The following CDYL2 variants were observed in gnomAD, a reference collection of about 807,000 sequenced individuals.
The protein encoded by CDYL2 is chromodomain Y-like protein 2.
CDYL2 carries 23 observed loss-of-function variants against 49.4 expected under a neutral mutation model. The ratio of observed to expected loss-of-function variants is 0.47; its 90% confidence interval spans 0.34 to 0.66. CDYL2 has a LOEUF of 0.66. Ranked by LOEUF, CDYL2 falls within the 30% of genes least tolerant of loss-of-function variation. The pLI is 0.01. For missense variants in CDYL2, 678 were observed against 656.4 expected (o/e 1.03, Z -0.36); for synonymous variants, 360 against 268.8 (o/e 1.34, Z -3.32).
intron 1 of CDYL2, among the ~76,000 whole-genome samples, chr16:80,794,681 G>A (rs370651051): frequency 1.5e-4 from 21 of 136,160 alleles, no homozygotes; most frequent in East Asian, 1.3e-3. Context: ...GCGTGATCTC[G>A]GCTCACTGCA....
intron 1 of CDYL2, among the ~76,000 whole-genome samples, chr16:80,703,488 T>C (rs957222675): frequency 1.3e-5 from 2 of 152,134 alleles, no homozygotes; most frequent in African/African-American, 4.8e-5. Flanking sequence ...CCCTGGACTT[T>C]CTCTAATGTG....
chr16:80,622,457 T>A (rs939504206), intron 3 of CDYL2, among the ~76,000 whole-genome samples: 1 of 152,158 alleles, frequency 6.6e-6, no homozygotes, highest in Non-Finnish European at 1.5e-5. Flanking sequence ...TCATTTATCA[T>A]ACATTTACCT....
intron 5 of CDYL2, among the ~76,000 whole-genome samples, chr16:80,609,210 T>C (rs905282340): frequency 6.6e-6 from 1 of 152,204 alleles, no homozygotes; most frequent in Non-Finnish European, 1.5e-5. Flanking sequence ...GAGAACATGA[T>C]AGTAATGAGC....
chr16:80,742,983 T>C (rs1486447151), intron 1 of CDYL2, among the ~76,000 whole-genome samples: 2 of 115,896 alleles, frequency 1.7e-5, no homozygotes, highest in Non-Finnish European at 3.2e-5. Context: ...AATCGATAGG[T>C]GAGTACAAAG....
chr16:80,697,657 T>TTA (rs1457350492), intron 1 of CDYL2, among the ~76,000 whole-genome samples: 1 of 151,996 alleles, frequency 6.6e-6, no homozygotes, highest in Non-Finnish European at 1.5e-5. Context: ...CAACATGATC[T>TTA]TATATATATA....
At chr16:80,791,541 G>A (rs1196025585) in intron 1 of CDYL2, among the ~76,000 whole-genome samples, 1 of 152,160 alleles carries the variant, frequency 6.6e-6, no homozygotes, top group Non-Finnish European at 1.5e-5. Flanking sequence ...AAGAAAGGGT[G>A]GAAATCTCCT....
intron 1 of CDYL2, among the ~76,000 whole-genome samples, chr16:80,783,102 A>G (rs375130540): frequency 1.3e-5 from 2 of 152,184 alleles, no homozygotes; most frequent in South Asian, 4.1e-4. Flanking sequence ...AAGAGAGTGA[A>G]AAGATAACCA....
intron 2 of CDYL2, among the ~76,000 whole-genome samples, chr16:80,662,492 C>G (rs1482279954): frequency 1.3e-5 from 2 of 152,132 alleles, no homozygotes; most frequent in African/African-American, 4.8e-5. Flanking sequence ...TTCTTTTACT[C>G]TCCTTATTAT....
intron 2 of CDYL2, among the ~76,000 whole-genome samples, chr16:80,676,146 T>C (rs999382568): frequency 6.6e-6 from 1 of 152,176 alleles, no homozygotes; most frequent in Non-Finnish European, 1.5e-5. Flanking sequence ...CATAGGGCGG[T>C]GGCCAAGTTG....
chr16:80,609,823 G>A (rs558035841), intron 5 of CDYL2, among the ~76,000 whole-genome samples: 2 of 152,262 alleles, frequency 1.3e-5, no homozygotes, highest in East Asian at 1.9e-4. Flanking sequence ...ATTCTTGGGT[G>A]GAGGTAGGGT....
chr16:80,654,198 A>C (rs1268895904), intron 2 of CDYL2, among the ~76,000 whole-genome samples: 1 of 152,128 alleles, frequency 6.6e-6, no homozygotes, highest in Admixed American at 6.5e-5. Flanking sequence ...GTTGGGAAAA[A>C]GTCACTACAG....
chr16:80,789,317 G>A (rs1597134651), intron 1 of CDYL2, among the ~76,000 whole-genome samples: 2 of 152,106 alleles, frequency 1.3e-5, no homozygotes, highest in East Asian at 3.9e-4. Context: ...AGAGACACCT[G>A]CGGGGCCAGG....
intron 1 of CDYL2, among the ~76,000 whole-genome samples, chr16:80,751,226 A>G (rs1417685825): frequency 6.6e-6 from 1 of 152,196 alleles, no homozygotes; most frequent in Non-Finnish European, 1.5e-5. Context: ...TTAGGAAACC[A>G]ATGTCCCTGC....
rs1013742712 is a variant in CDYL2, at chr16:80,599,320, T to C, written c.*5068A>G. ...AAATAACTTGATTTTAGCCATATGATAGCCCTGGACTACTTTATGTGGACA... is the reference window on the plus strand; with the variant it reads ...AAATAACTTGATTTTAGCCATATGACAGCCCTGGACTACTTTATGTGGACA... On this transcript the variant is annotated 3_prime_UTR_variant, in exon 7 of 7. Coordinates refer to ENST00000570137, the MANE Select transcript of CDYL2 (RefSeq NM_152342.4). The C allele has an allele frequency of 2.6e-5, 4 of 152,246 alleles. No individual in the cohort carries two copies. Among genetic ancestry groups the C allele is most frequent in the Non-Finnish European group, 5.9e-5 (4 of 68,038 alleles). The allele number at this position is 152,246 out of a possible 1,614,324, so 9.4% of individuals were successfully genotyped here. A position where few individuals can be genotyped will look rare whatever the true frequency, so the allele number is the denominator to read the frequency against.
chr16:80,614,657 A>C (rs1303862111), intron 4 of CDYL2, among the ~76,000 whole-genome samples: 3 of 152,162 alleles, frequency 2.0e-5, no homozygotes, highest in Non-Finnish European at 4.4e-5. Context: ...CAAGGTCAGG[A>C]GTTCTAGACC....
At chr16:80,742,461 C>CATGG (rs3081238) in intron 1 of CDYL2, among the ~76,000 whole-genome samples, 32,657 of 146,114 alleles carry the variant, frequency 0.22, 4,920 homozygotes, top group African/African-American at 0.44. Context: ...AGGATGGATG[C>CATGG]ATGGATGGAT....
intron 1 of CDYL2, among the ~76,000 whole-genome samples, chr16:80,699,447 G>A (rs567302160): frequency 7.2e-5 from 11 of 152,276 alleles, no homozygotes; most frequent in African/African-American, 2.2e-4. Flanking sequence ...TCACTCATAC[G>A]TGGAAGCTAA....
chr16:80,759,686 A>G (rs1459012539), intron 1 of CDYL2, among the ~76,000 whole-genome samples: 1 of 152,208 alleles, frequency 6.6e-6, no homozygotes, highest in Non-Finnish European at 1.5e-5. Context: ...GTAAATGTAT[A>G]ACCATAAAGA....
At chr16:80,670,592 G>A (rs1309217978) in intron 2 of CDYL2, among the ~76,000 whole-genome samples, 2 of 152,146 alleles carry the variant, frequency 1.3e-5, no homozygotes, top group African/African-American at 2.4e-5. Flanking sequence ...GGAGAAGGGA[G>A]CGCTGGAGTC....
Sources: gnomAD v4.1 joint callset for allele counts (sites outside exome capture counted in the v4.1 genomes callset) on GRCh38, gnomAD v4.1.1 for gene constraint, MANE v1.5 for transcripts, NCBI Gene and HGNC (gene_info 2026-07-23, HGNC 2026-07-21) for gene names.